ANKRD28: variants seen among roughly 807,000 people sequenced by gnomAD.
ANKRD28 encodes the protein serine/threonine-protein phosphatase 6 regulatory ankyrin repeat subunit A.
In ANKRD28, 44 loss-of-function variants were observed where a neutral mutation model predicts 126.5. The observed-to-expected ratio is 0.35, with a 90% CI of 0.27 to 0.45. The LOEUF is 0.45. ANKRD28 is among the 20% of genes least tolerant of loss of function. The probability of loss-of-function intolerance (pLI) is 1.00; values close to 1 mark genes in which losing one functional copy is unlikely to be tolerated. For synonymous variants in ANKRD28, 442 were observed against 468.5 expected (o/e 0.94, Z 0.73); for missense variants, 1,110 against 1,316.6 (o/e 0.84, Z 2.43).
At chr3:15,716,263 T>C (rs2073023386) in intron 8 of ANKRD28, among the ~76,000 whole-genome samples, 1 of 150,850 alleles carries the variant, frequency 6.6e-6, no homozygotes, top group Non-Finnish European at 1.5e-5. Context: ...ATTACAGGCA[T>C]GAGCCACCGC....
Position 15,797,653 on chromosome 3 carries a change from T to C in ANKRD28, c.-1132A>G, listed in dbSNP as rs543820458. On this transcript the variant is annotated 5_prime_UTR_variant, in exon 1 of 28. It removes an upstream start codon present in the reference 5' UTR. Coordinates refer to ENST00000683139, the MANE Select transcript of ANKRD28 (RefSeq NM_001349278.2). ...TACAGCTTCCATTAAACAGTCTTCA[T>C]TCAGAGAAAAAAATAGCAGACTGTG... 12 of 985,398 alleles carry C rather than the reference T, an allele frequency of 1.2e-5. No individual in the cohort carries two copies. The highest frequency in any genetic ancestry group is 8.7e-5 in the African/African-American group (5 of 57,348). The allele number at this position is 985,398 out of a possible 1,614,324, so 61.0% of individuals were successfully genotyped here. A position where few individuals can be genotyped will look rare whatever the true frequency, so the allele number is the denominator to read the frequency against.
At chr3:15,737,450 T>C (rs975695445) in intron 4 of ANKRD28, among the ~76,000 whole-genome samples, 1 of 57,384 alleles carries the variant, frequency 1.7e-5, no homozygotes. Flanking sequence ...CCATATAAGA[T>C]GCATCAAGAT....
chr3:15,683,009 T>C (rs889078065), intron 21 of ANKRD28, among the ~76,000 whole-genome samples: 1 of 152,174 alleles, frequency 6.6e-6, no homozygotes, highest in African/African-American at 2.4e-5. Flanking sequence ...AGTCTAAATT[T>C]AGCAGTGATA....
At position 15,793,812 on chromosome 3, in the gene ANKRD28, T is replaced by C. The variant is rs185689974; in HGVS notation, c.201+1411A>G. Among the ~76,000 whole-genome samples, 307 of 152,308 alleles carry C rather than the reference T, an allele frequency of 2.0e-3. 2 individuals are homozygous for C. Among genetic ancestry groups the C allele is most frequent in the African/African-American group, 6.2e-3 (257 of 41,564 alleles). On this transcript the variant is annotated intron_variant, in intron 2 of 27. Coordinates refer to ENST00000683139, the MANE Select transcript of ANKRD28 (RefSeq NM_001349278.2). ...CCGGCACAGTGCCTCACGCCTGTAA[T>C]CCCAGCACTTTGGGAGGCCAAGGCG...
chr3:15,765,181 T>G (rs191558730), intron 3 of ANKRD28, among the ~76,000 whole-genome samples: 1 of 152,176 alleles, frequency 6.6e-6, no homozygotes, highest in Non-Finnish European at 1.5e-5. Context: ...AACAAAAGTA[T>G]TTCTAAACTC....
intron 4 of ANKRD28, among the ~76,000 whole-genome samples, chr3:15,751,098 T>C (rs2057834910): frequency 6.6e-6 from 1 of 151,988 alleles, no homozygotes; most frequent in Non-Finnish European, 1.5e-5. Context: ...TAGTTTTTCA[T>C]GAATCATTAA....
intron 21 of ANKRD28, among the ~76,000 whole-genome samples, 191 bp from the exon 22 acceptor site, chr3:15,679,754 C>T (rs2067326641): frequency 2.0e-5 from 3 of 152,106 alleles, no homozygotes; most frequent in Admixed American, 1.3e-4. Context: ...TAGGCATATA[C>T]AACTGCACGC....
Position 15,735,276 on chromosome 3 carries a change from C to T in ANKRD28, c.640+134G>A, listed in dbSNP as rs1353787586. The stretch of plus-strand genomic sequence containing the variant: ...CTCCCCCATTACCAGGGTTGTTCTA[C>T]CTGGGCATCAAACTCAGATACTGTG... On this transcript the variant is annotated intron_variant, in intron 6 of 27. Coordinates refer to ENST00000683139, the MANE Select transcript of ANKRD28 (RefSeq NM_001349278.2). 33 of 630,204 alleles carry T rather than the reference C, an allele frequency of 5.2e-5. No homozygotes were observed. In the Admixed American group the frequency reaches 1.1e-3, roughly 20 times the overall value. 39.0% of individuals were successfully genotyped at this position (630,204 alleles called of 1,614,324 possible).
Position 15,766,255 on chromosome 3 carries a change from T to C in ANKRD28, c.259A>G (p.Ile87Val), listed in dbSNP as rs777858847. Reference protein sequence around the residue: ...AAAYLGDAEIIELLILSGARV... With the variant: ...AAAYLGDAEIVELLILSGARV... ...ATACCAGATAAAATAAGAAGTTCAA[T>C]GATTTCTGCATCTCCAAGGTAAGCT... Residue 87 changes from isoleucine to valine, a missense_variant, in exon 3 of 28, where the codon ATT becomes GTT. By Grantham distance (29) the Ile-to-Val change is conservative. Transcript: ENST00000683139. The C allele has an allele frequency of 3.7e-6, 6 of 1,611,238 alleles. No homozygotes were observed. The African/African-American group carries it at 5.3e-5, about 14-fold the overall frequency.
At chr3:15,730,356 G>T (rs893862245) in intron 6 of ANKRD28, among the ~76,000 whole-genome samples, 1 of 152,156 alleles carries the variant, frequency 6.6e-6, no homozygotes, top group Non-Finnish European at 1.5e-5. Flanking sequence ...TTGGAGATGA[G>T]GTGGGGCGCT....
intron 4 of ANKRD28, among the ~76,000 whole-genome samples, chr3:15,739,197 G>C (rs2075267613): frequency 6.6e-6 from 1 of 152,158 alleles, no homozygotes; most frequent in Non-Finnish European, 1.5e-5. Flanking sequence ...AAGATGATGG[G>C]ATTAAGAGAT....
intron 27 of ANKRD28, among the ~76,000 whole-genome samples, chr3:15,672,495 G>C (rs983179137): frequency 2.6e-5 from 4 of 152,194 alleles, no homozygotes; most frequent in Non-Finnish European, 4.4e-5. Flanking sequence ...AAGGGTCAAA[G>C]AGAACAACTG....
intron 11 of ANKRD28, 72 bp downstream of exon 11, chr3:15,712,068 C>T: frequency 8.6e-7 from 1 of 1,156,402 alleles, no homozygotes; most frequent in South Asian, 1.3e-5. Flanking sequence ...TTTTAAAAAG[C>T]AGGATAGAGA....
upstream of ANKRD28, among the ~76,000 whole-genome samples, chr3:15,800,199 A>G (rs2060436213): frequency 6.6e-6 from 1 of 152,086 alleles, no homozygotes; most frequent in Admixed American, 6.6e-5. Flanking sequence ...TGACACTTAT[A>G]TAAGAAAAAA....
At chr3:15,705,199 G>T (rs112034624) in intron 14 of ANKRD28, among the ~76,000 whole-genome samples, 1 of 152,058 alleles carries the variant, frequency 6.6e-6, no homozygotes, top group Non-Finnish European at 1.5e-5. Flanking sequence ...GCTCAAAACC[G>T]TTTATATTCA....
At chr3:15,748,111 A>G (rs961039731) in intron 4 of ANKRD28, among the ~76,000 whole-genome samples, 4 of 152,232 alleles carry the variant, frequency 2.6e-5, no homozygotes, top group Non-Finnish European at 5.9e-5. Context: ...TACTGAAGAC[A>G]GCAGAAACTT....
At chr3:15,699,948 C>T (rs1045233196) in intron 14 of ANKRD28, among the ~76,000 whole-genome samples, 11 of 152,108 alleles carry the variant, frequency 7.2e-5, no homozygotes, top group African/African-American at 1.4e-4. Flanking sequence ...ATGTTTACTG[C>T]GGCACTATTT....
chr3:15,823,579 C>T lies in ANKRD28; in HGVS notation c.28-28273G>A, dbSNP rs112630246. On this transcript the variant is annotated intron_variant, in intron 1 of 27. Coordinates refer to the ANKRD28 transcript ENST00000399451. ...AACTGGATATCCACATTTCTTGAGGCCAAAACTAGACACTTCATACCAAAA... is the reference window on the plus strand; with the variant it reads ...AACTGGATATCCACATTTCTTGAGGTCAAAACTAGACACTTCATACCAAAA... Among the ~76,000 whole-genome samples the T allele has an allele frequency of 3.6e-3, 549 of 152,150 alleles. 7 individuals are homozygous for T. The highest frequency in any genetic ancestry group is 0.013 in the African/African-American group (530 of 41,524).
chr3:15,709,404 A>AG (rs532525520), intron 13 of ANKRD28, among the ~76,000 whole-genome samples: 50 of 151,972 alleles, frequency 3.3e-4, no homozygotes, highest in African/African-American at 9.9e-4. Context: ...TAATTTTTGG[A>AG]GGGGGGGAAG....
Sources: gnomAD v4.1 joint callset for allele counts (sites outside exome capture counted in the v4.1 genomes callset) on GRCh38, gnomAD v4.1.1 for gene constraint, MANE v1.5 for transcripts, NCBI Gene and HGNC (gene_info 2026-07-23, HGNC 2026-07-21) for gene names.